The following TRIM69 variants were observed in gnomAD, a reference collection of about 807,000 sequenced individuals.
TRIM69 encodes E3 ubiquitin-protein ligase TRIM69.
Under a neutral mutation model 37.7 loss-of-function variants are expected in TRIM69, and 29 were observed. The ratio of observed to expected loss-of-function variants is 0.77; its 90% CI spans 0.57 to 1.05. The LOEUF (loss-of-function observed/expected upper bound fraction) is 1.05, where lower values mean the gene tolerates loss of function less well. Among genes scored for constraint, TRIM69 ranks in the 50% least tolerant of loss-of-function variants. TRIM69 has a pLI of 0.00. For synonymous variants in TRIM69, 209 were observed against 212.4 expected, an observed-to-expected ratio of 0.98 and a Z score of 0.14; for missense variants, 596 against 579.9, an observed-to-expected ratio of 1.03 and a Z score of -0.28.
intron 6 of TRIM69, among the ~76,000 whole-genome samples, 158 bp from the exon 7 acceptor site, chr15:44,767,053 CAAAAAAAAAAAAAAAAAAAA>C (rs55736812): frequency 4.1e-5 from 1 of 24,312 alleles, no homozygotes; most frequent in African/African-American, 1.5e-4. Context: ...TTGTCTGCCT[CAAAAAAAAAAAAAAAAAAAA>C]AAAAAAAAAA....
chr15:44,743,042 T>A (rs1330728236), intron 1 of TRIM69, among the ~76,000 whole-genome samples: 1 of 152,106 alleles, frequency 6.6e-6, no homozygotes, highest in Non-Finnish European at 1.5e-5. Context: ...GCTAGAGGCA[T>A]CATGCTACCT....
intron 1 of TRIM69, among the ~76,000 whole-genome samples, chr15:44,750,389 T>C (rs2087493461): frequency 6.6e-6 from 1 of 152,138 alleles, no homozygotes; most frequent in Non-Finnish European, 1.5e-5. Flanking sequence ...TTTTCTTTGT[T>C]GGGAGGATTT....
chr15:44,739,438 C>T (rs956125859), intron 1 of TRIM69, among the ~76,000 whole-genome samples: 5 of 152,166 alleles, frequency 3.3e-5, no homozygotes, highest in African/African-American at 9.7e-5. Context: ...TTGCCTCACT[C>T]GGGAAGCGCA....
At chr15:44,744,514 TG>T (rs1281766012) in intron 1 of TRIM69, among the ~76,000 whole-genome samples, 1 of 152,066 alleles carries the variant, frequency 6.6e-6, no homozygotes, top group African/African-American at 2.4e-5. Flanking sequence ...CCACAAAAAC[TG>T]GCAAAAATTT....
chr15:44,745,770 C>T (rs1438562377), intron 1 of TRIM69, among the ~76,000 whole-genome samples: 5 of 151,720 alleles, frequency 3.3e-5, no homozygotes, highest in Admixed American at 1.3e-4. Context: ...ATGAGAAATT[C>T]GCAAGAAGTG....
At chr15:44,754,807 A>C in intron 1 of TRIM69, 93 bp from the exon 2 acceptor site, 1 of 938,062 alleles carries the variant, frequency 1.1e-6, no homozygotes, top group Non-Finnish European at 1.6e-6. Flanking sequence ...AGTTGTACCA[A>C]TTTTCAGCTC....
intron 1 of TRIM69, among the ~76,000 whole-genome samples, chr15:44,748,170 G>C (rs1341855081): frequency 1.3e-5 from 2 of 152,176 alleles, no homozygotes; most frequent in Non-Finnish European, 2.9e-5. Context: ...TTTTGCCTCA[G>C]AATACATCTT....
intron 6 of TRIM69, among the ~76,000 whole-genome samples, chr15:44,761,154 G>A (rs1197283126): frequency 1.3e-5 from 2 of 152,198 alleles, no homozygotes; most frequent in South Asian, 2.1e-4. Context: ...TCCTGACCTC[G>A]TGATCTGCCC....
At chr15:44,744,804 G>C (rs1302532351) in intron 1 of TRIM69, among the ~76,000 whole-genome samples, 1 of 152,044 alleles carries the variant, frequency 6.6e-6, no homozygotes, top group Non-Finnish European at 1.5e-5. Flanking sequence ...TACATAAAAG[G>C]CTTGCCATTA....
In TRIM69 at chr15:44,758,848, T is replaced by G. The variant is rs1389104402; in HGVS notation, c.807T>G (p.Phe269Leu). The change falls in exon 4 of 7, where the codon TTT becomes TTG. Residue 269 changes from phenylalanine (F) to leucine (L), a missense_variant. Phe to Leu is a conservative substitution (Grantham distance 22). Coordinates refer to ENST00000329464, the MANE Select transcript of TRIM69 (RefSeq NM_182985.5). The stretch of plus-strand genomic sequence containing the variant: ...CGGAACAACAGAACTCCTTCGACTT[T>G]CTCAAAGTGAGAATCCACACCAATA... ...AKTEQQNSFDFLKDITTLLHS... is the reference protein window; with the variant it reads ...AKTEQQNSFDLLKDITTLLHS... 6.2e-7 allele frequency: 1 copy of G among 1,611,908 alleles called. No homozygotes were observed. The highest frequency in any genetic ancestry group is 8.5e-7 in the Non-Finnish European group (1 of 1,178,980).
intron 4 of TRIM69, among the ~76,000 whole-genome samples, chr15:44,759,161 T>C (rs533900329): frequency 1.3e-5 from 2 of 152,340 alleles, no homozygotes; most frequent in African/African-American, 2.4e-5. Flanking sequence ...AAAATAAAAA[T>C]GTTGCAGCCT....
At chr15:44,767,014 G>A (rs973157498) in intron 6 of TRIM69, among the ~76,000 whole-genome samples, 10 of 111,548 alleles carry the variant, frequency 9.0e-5, no homozygotes, top group East Asian at 3.1e-4. Context: ...AGCCGAGATC[G>A]CACCACTGCA....
rs1255650613 is a variant in TRIM69 at position 44,755,390 on chromosome 15, G to T, written c.483+14G>T. The stretch of plus-strand genomic sequence containing the variant: ...CATTTCTTCACGGTGGGTGAGCCCT[G>T]GGCCTTGAACAATCCCTTAGAAAAA... On this transcript the variant is annotated intron_variant, in intron 2 of 6. Transcript: ENST00000329464. 6.3e-7 allele frequency: 1 copy of T among 1,589,930 alleles called. No homozygotes were observed. Among genetic ancestry groups the T allele is most frequent in the South Asian group, 1.1e-5 (1 of 90,450 alleles).
At chr15:44,759,071 C>T (rs34359070) in intron 4 of TRIM69, among the ~76,000 whole-genome samples, 3,979 of 152,196 alleles carry the variant, frequency 0.026, 154 homozygotes, top group African/African-American at 0.088. Context: ...TTAGGAAATA[C>T]GATTTTTAAA....
rs1321062048 is a variant in TRIM69, at chr15:44,759,879, G to T, written c.961+7G>T. 3 of 1,608,904 alleles carry T rather than the reference G, an allele frequency of 1.9e-6. No homozygotes were observed. The Admixed American group carries it at 5.0e-5, about 27-fold the overall frequency. ...CAGGACACTCTCTGCCCAGGTATCA[G>T]TGGGTAGTAACTATTGGTTCTTGAG... On this transcript the variant is annotated splice_region_variant and intron_variant, in intron 6 of 6. Transcript: ENST00000329464.
At position 44,767,016 on chromosome 15, in the gene TRIM69, A is replaced by G. The variant is rs535374999; in HGVS notation, c.962-215A>G. 1.9e-3 allele frequency among the ~76,000 whole-genome samples: 232 copies of G among 121,548 alleles called. 2 individuals carry two copies. The highest frequency in any genetic ancestry group is 6.8e-3 in the African/African-American group (219 of 32,040). The allele number at this position is 121,548 out of a possible 152,430, so 79.7% of individuals were successfully genotyped here. On this transcript the variant is annotated intron_variant, in intron 6 of 6. Coordinates refer to ENST00000329464, the MANE Select transcript of TRIM69 (RefSeq NM_182985.5). ...GGAGGTTGCAGTGAGCCGAGATCGC[A>G]CCACTGCACTCCAGCCCTGGGCAAC...
chr15:44,756,648 C>T (rs1428146695), intron 3 of TRIM69, 185 bp downstream of exon 3: 3 of 504,288 alleles, frequency 5.9e-6, no homozygotes, highest in African/African-American at 3.8e-5. Context: ...TTCCTAATAG[C>T]TGATCAACAG....
Position 44,767,608 on chromosome 15 carries a change from C to G in TRIM69, c.1339C>G (p.Leu447Val), listed in dbSNP as rs113204970. The G allele has an allele frequency of 1.1e-4, 171 of 1,614,046 alleles. No homozygotes were observed. The highest frequency in any genetic ancestry group is 1.4e-4 in the Non-Finnish European group (166 of 1,180,046). Residue 447 changes from leucine to valine, a missense_variant, in exon 7 of 7, where the codon CTG (leucine) becomes GTG (valine). Leu to Val is a conservative substitution (Grantham distance 32). Coordinates refer to ENST00000329464, the MANE Select transcript of TRIM69 (RefSeq NM_182985.5). ...TNNLDKVGIYLDYEGGQLSFY... is the reference protein window; with the variant it reads ...TNNLDKVGIYVDYEGGQLSFY... Reference sequence around the variant, plus strand: ...CAACCTCGACAAGGTGGGCATATACCTGGATTATGAAGGAGGACAGTTGTC... The same window carrying G: ...CAACCTCGACAAGGTGGGCATATACGTGGATTATGAAGGAGGACAGTTGTC...
chr15:44,764,043 T>G (rs1005441384), intron 6 of TRIM69, among the ~76,000 whole-genome samples: 2 of 152,208 alleles, frequency 1.3e-5, no homozygotes, highest in African/African-American at 2.4e-5. Flanking sequence ...TGCATGCATG[T>G]GCAGATTAGT....
Sources: gnomAD v4.1 joint callset for allele counts (sites outside exome capture counted in the v4.1 genomes callset) on GRCh38, gnomAD v4.1.1 for gene constraint, MANE v1.5 for transcripts, NCBI Gene and HGNC (gene_info 2026-07-23, HGNC 2026-07-21) for gene names.